Variants in MCTP1 observed in about 807,000 individuals in gnomAD.
The protein encoded by MCTP1 is multiple C2 and transmembrane domain containing 1.
MCTP1 carries 69 observed loss-of-function variants against 120.6 expected under a neutral mutation model. That is an observed-to-expected ratio of 0.57 (90% confidence interval 0.47 to 0.70). MCTP1 has a LOEUF of 0.70. MCTP1 is among the 30% of genes least tolerant of loss of function. The pLI, the probability that MCTP1 is intolerant of heterozygous loss-of-function variation, is 0.00. For missense variants in MCTP1, 1,203 were observed against 1,248.8 expected, an observed-to-expected ratio of 0.96 and a Z score of 0.55; for synonymous variants, 529 against 493.1, an observed-to-expected ratio of 1.07 and a Z score of -0.96.
rs565531745 is a variant in MCTP1, at chr5:95,077,541, C to T, written c.721-60057G>A. 2.6e-5 allele frequency among the ~76,000 whole-genome samples: 4 copies of T among 151,888 alleles called. No individual in the cohort carries two copies. The South Asian group carries it at 6.2e-4, about 24-fold the overall frequency. On this transcript the variant is annotated intron_variant, in intron 1 of 22. Transcript: ENST00000515393. ...AGGCTGGAGTGCAGTGGCGCAATCT[C>T]GGCTCACTGCAAGCTCCACTTCCTG...
intron 17 of MCTP1, among the ~76,000 whole-genome samples, chr5:94,854,871 T>C (rs919974171): frequency 6.6e-6 from 1 of 151,824 alleles, no homozygotes; most frequent in Non-Finnish European, 1.5e-5. Flanking sequence ...GTGAAACAAA[T>C]CAACATAGTC....
At chr5:94,845,824 T>C (rs915236564) in intron 17 of MCTP1, among the ~76,000 whole-genome samples, 2 of 152,190 alleles carry the variant, frequency 1.3e-5, no homozygotes, top group East Asian at 1.9e-4. Flanking sequence ...AGTGCTGGCA[T>C]TTCAGGGGTG....
intron 13 of MCTP1, 124 bp from the exon 14 acceptor site, chr5:94,871,541 A>G (rs759504716): frequency 4.3e-5 from 29 of 672,676 alleles, no homozygotes; most frequent in Non-Finnish European, 6.9e-5. Flanking sequence ...CTATTTGCAT[A>G]CACACATATA....
chr5:95,057,014 A>G (rs1254405081), intron 1 of MCTP1, among the ~76,000 whole-genome samples: 2 of 152,210 alleles, frequency 1.3e-5, no homozygotes, highest in Non-Finnish European at 2.9e-5. Flanking sequence ...ATAGATATAT[A>G]CATATTCATA....
chr5:94,851,926 A>G (rs1793820335), intron 17 of MCTP1, among the ~76,000 whole-genome samples: 1 of 151,918 alleles, frequency 6.6e-6, no homozygotes, highest in South Asian at 2.1e-4. Flanking sequence ...TCTCATGAAG[A>G]GTAAATGTTT....
chr5:94,857,220 C>A (rs1427014264), intron 17 of MCTP1, among the ~76,000 whole-genome samples: 2 of 151,680 alleles, frequency 1.3e-5, no homozygotes, highest in East Asian at 3.9e-4. Flanking sequence ...GTCAGCCACT[C>A]AACACAGCTT....
At chr5:95,065,866 T>C (rs1750528418) in intron 1 of MCTP1, among the ~76,000 whole-genome samples, 1 of 152,122 alleles carries the variant, frequency 6.6e-6, no homozygotes, top group African/African-American at 2.4e-5. Context: ...CAACTGAAAA[T>C]GGATTAAAGT....
At chr5:95,256,905 A>G (rs970902084) in intron 1 of MCTP1, among the ~76,000 whole-genome samples, 29 of 152,188 alleles carry the variant, frequency 1.9e-4, no homozygotes, top group South Asian at 4.1e-4. Context: ...TCTTGTTCCA[A>G]TGTATTTTAT....
At chr5:95,213,784 A>G (rs1237456451) in intron 1 of MCTP1, among the ~76,000 whole-genome samples, 1 of 152,264 alleles carries the variant, frequency 6.6e-6, no homozygotes, top group African/African-American at 2.4e-5. Flanking sequence ...TATTTAATAA[A>G]TGGTGCTGGG....
Position 94,707,453 on chromosome 5 carries a change from A to G in MCTP1, c.*43T>C. 1 of 1,485,434 alleles carries G rather than the reference A, an allele frequency of 6.7e-7. No individual in the cohort carries two copies. The highest frequency in any genetic ancestry group is 9.3e-7 in the Non-Finnish European group (1 of 1,079,218). 92.0% of individuals were successfully genotyped at this position (1,485,434 alleles called of 1,614,324 possible). On this transcript the variant is annotated 3_prime_UTR_variant, in exon 23 of 23. Coordinates refer to ENST00000515393, the MANE Select transcript of MCTP1 (RefSeq NM_024717.7). ...GCTGAGGCTGAGGGCTTTTTCTTTT[A>G]TCTTCCCAAACAGATGCTGGTCTCC...
chr5:94,738,584 C>G (rs905718627), intron 19 of MCTP1, among the ~76,000 whole-genome samples: 7 of 152,140 alleles, frequency 4.6e-5, no homozygotes, highest in African/African-American at 1.4e-4. Flanking sequence ...AGACTTAACT[C>G]AAAGCCCATT....
chr5:95,115,193 A>T (rs557538662), intron 1 of MCTP1, among the ~76,000 whole-genome samples: 1 of 152,094 alleles, frequency 6.6e-6, no homozygotes, highest in Non-Finnish European at 1.5e-5. Context: ...GACTATAGTA[A>T]ATACTTAACT....
chr5:94,870,329 T>C lies in MCTP1; in HGVS notation c.2316+88A>G, dbSNP rs1561778903. 39 of 867,568 alleles carry C rather than the reference T, an allele frequency of 4.5e-5. 1 individual carries two copies. Among genetic ancestry groups the C allele is most frequent in the South Asian group, 2.2e-4 (13 of 59,664 alleles). The allele number at this position is 867,568 out of a possible 1,614,324, so 53.7% of individuals were successfully genotyped here. On this transcript the variant is annotated intron_variant, in intron 16 of 22. Coordinates refer to ENST00000515393, the MANE Select transcript of MCTP1 (RefSeq NM_024717.7). ...AAAAATTCCAGTCTTCCCCCCTCCATACCTTTAAAGTTTATTTGAATTTAC... is the reference window on the plus strand; with the variant it reads ...AAAAATTCCAGTCTTCCCCCCTCCACACCTTTAAAGTTTATTTGAATTTAC...
intron 1 of MCTP1, among the ~76,000 whole-genome samples, chr5:95,244,708 C>G (rs540734961): frequency 6.6e-6 from 1 of 152,322 alleles, no homozygotes; most frequent in East Asian, 1.9e-4. Context: ...GTGGAGCACA[C>G]CGCAGCTCAG....
Position 95,071,718 on chromosome 5 carries a change from T to C in MCTP1, c.721-54234A>G, listed in dbSNP as rs1441581075. Among the ~76,000 whole-genome samples the C allele has an allele frequency of 6.6e-5, 10 of 152,100 alleles. No individual in the cohort carries two copies. In the East Asian group the frequency reaches 1.9e-3, roughly 29 times the overall value. On this transcript the variant is annotated intron_variant, in intron 1 of 22. Coordinates refer to ENST00000515393, the MANE Select transcript of MCTP1 (RefSeq NM_024717.7). ...TGTATTGCATGTAAACATAGAGATG[T>C]TGTAGATTGAAAGTTTCACTCTGTG... is the stretch of plus-strand genomic sequence containing the variant.
rs192307276 is a variant in MCTP1, at chr5:94,846,817, C to G, written c.2436+21516G>C. On this transcript the variant is annotated intron_variant, in intron 17 of 22. Transcript: ENST00000515393. Reference sequence around the variant, plus strand: ...CGTACATGTGTGTCTCTGTGTGTGTCTGTGTGTGTGTGTGTGTGTGTGTGT... The same window carrying G: ...CGTACATGTGTGTCTCTGTGTGTGTGTGTGTGTGTGTGTGTGTGTGTGTGT... Among the ~76,000 whole-genome samples, 334 of 147,270 alleles carry G rather than the reference C, an allele frequency of 2.3e-3. 1 individual carries two copies. Among genetic ancestry groups the G allele is most frequent in the African/African-American group, 8.1e-3 (325 of 40,250 alleles).
intron 1 of MCTP1, among the ~76,000 whole-genome samples, chr5:95,268,835 T>C (rs1488879403): frequency 1.3e-5 from 2 of 152,236 alleles, no homozygotes; most frequent in African/African-American, 4.8e-5. Flanking sequence ...CAGAGCCCCT[T>C]AGCTGCACTG....
At chr5:94,884,751 T>G (rs1800892742) in intron 12 of MCTP1, among the ~76,000 whole-genome samples, 1 of 152,176 alleles carries the variant, frequency 6.6e-6, no homozygotes, top group Non-Finnish European at 1.5e-5. Context: ...GCTCTGCTAA[T>G]GAATCTGAGC....
At chr5:95,249,333 A>G (rs1366133593) in intron 1 of MCTP1, among the ~76,000 whole-genome samples, 2 of 152,200 alleles carry the variant, frequency 1.3e-5, no homozygotes, top group African/African-American at 4.8e-5. Context: ...AAACCCCATC[A>G]GAAAGTGGGT....
Sources: gnomAD v4.1 joint callset for allele counts (sites outside exome capture counted in the v4.1 genomes callset) on GRCh38, gnomAD v4.1.1 for gene constraint, MANE v1.5 for transcripts, NCBI Gene and HGNC (gene_info 2026-07-23, HGNC 2026-07-21) for gene names.